SOX5: variants seen among roughly 807,000 people sequenced by gnomAD.
SOX5 encodes the protein SRY-box transcription factor 5, also known as transcription factor SOX-5.
In SOX5, 9 loss-of-function variants were observed where a neutral mutation model predicts 92.0. The ratio of observed to expected loss-of-function variants is 0.10; its 90% confidence interval spans 0.06 to 0.17. The LOEUF (loss-of-function observed/expected upper bound fraction) is 0.17, where lower values mean the gene tolerates loss of function less well. Ranked by LOEUF, SOX5 falls within the 10% of genes least tolerant of loss-of-function variation. The probability of loss-of-function intolerance (pLI) is 1.00; values close to 1 mark genes in which losing one functional copy is unlikely to be tolerated. For missense variants in SOX5, 642 were observed against 944.5 expected (o/e 0.68, Z 4.20); for synonymous variants, 344 against 336.3 (o/e 1.02, Z -0.25).
chr12:23,878,085 C>T (rs192452066), intron 2 of SOX5, among the ~76,000 whole-genome samples: 72 of 152,026 alleles, frequency 4.7e-4, no homozygotes, highest in East Asian at 4.6e-3. Flanking sequence ...ATTAGAACTT[C>T]GATCATTTCA....
chr12:23,671,275 C>T (rs1166415326), intron 6 of SOX5, among the ~76,000 whole-genome samples: 2 of 152,162 alleles, frequency 1.3e-5, no homozygotes, highest in African/African-American at 4.8e-5. Flanking sequence ...TACAAATAAA[C>T]TGTAACATCT....
intron 4 of SOX5, among the ~76,000 whole-genome samples, chr12:24,092,433 G>A (rs1205015027): frequency 1.3e-5 from 2 of 152,076 alleles, no homozygotes; most frequent in Non-Finnish European, 2.9e-5. Context: ...GTCTCAGTAA[G>A]TGATGCCTCC....
chr12:24,046,190 C>T lies in SOX5; in HGVS notation c.-1-150166G>A, dbSNP rs74068165. ...GGTCAAAGCCTGAGGGTAATAGACA[C>T]ATTTAAGAGAGGGGAGGAGACTATA... On this transcript the variant is annotated intron_variant, in intron 4 of 4. Transcript: ENST00000446891. 2.4e-3 allele frequency among the ~76,000 whole-genome samples: 368 copies of T among 152,238 alleles called. 1 individual carries two copies. The highest frequency in any genetic ancestry group is 8.5e-3 in the African/African-American group (355 of 41,540).
chr12:24,541,662 G>A (rs1242070184), intron 1 of SOX5, among the ~76,000 whole-genome samples: 1 of 150,636 alleles, frequency 6.6e-6, no homozygotes, highest in Non-Finnish European at 1.5e-5. Flanking sequence ...AAACACACTT[G>A]TTGTCCTTTC....
chr12:23,995,310 G>C (rs917263427), intron 4 of SOX5, among the ~76,000 whole-genome samples: 2 of 152,110 alleles, frequency 1.3e-5, no homozygotes, highest in Non-Finnish European at 2.9e-5. Context: ...TTGTTTAGTA[G>C]TTTGTAAGTA....
intron 4 of SOX5, among the ~76,000 whole-genome samples, chr12:23,753,707 G>T (rs1378830107): frequency 6.6e-6 from 1 of 151,606 alleles, no homozygotes. Flanking sequence ...TTCTGAAGCG[G>T]CAGGAAAACT....
intron 4 of SOX5, among the ~76,000 whole-genome samples, chr12:24,115,118 AAAAAGAG>A (rs1473253123): frequency 1.3e-5 from 2 of 152,182 alleles, no homozygotes; most frequent in Non-Finnish European, 2.9e-5. Context: ...GTTTAATACA[AAAAAGAG>A]AAAAGAGAAA....
intron 2 of SOX5, among the ~76,000 whole-genome samples, chr12:23,863,933 G>T (rs1315772435): frequency 1.3e-5 from 2 of 150,388 alleles, no homozygotes. Flanking sequence ...AAAAATACAG[G>T]CACCTTGTTT....
At chr12:24,014,884 T>C (rs1209294705) in intron 4 of SOX5, among the ~76,000 whole-genome samples, 1 of 152,122 alleles carries the variant, frequency 6.6e-6, no homozygotes, top group African/African-American at 2.4e-5. Flanking sequence ...TAAGTGCTTT[T>C]TGGGAGAAGG....
intron 1 of SOX5, among the ~76,000 whole-genome samples, chr12:24,418,142 G>A (rs933622727): frequency 1.3e-5 from 2 of 150,228 alleles, no homozygotes; most frequent in Admixed American, 1.3e-4. Flanking sequence ...ATTTACTCAC[G>A]TGCTACAGCC....
chr12:24,382,825 T>C (rs1249223666), intron 1 of SOX5, among the ~76,000 whole-genome samples: 1 of 151,892 alleles, frequency 6.6e-6, no homozygotes, highest in East Asian at 1.9e-4. Flanking sequence ...GATAATGAGG[T>C]TTTGGTTCTG....
chr12:24,167,782 T>A (rs146368794), intron 4 of SOX5, among the ~76,000 whole-genome samples: 4 of 152,262 alleles, frequency 2.6e-5, no homozygotes, highest in Admixed American at 6.5e-5. Flanking sequence ...GCTTACTATA[T>A]GTCAATCACT....
chr12:24,141,993 T>C (rs1950631304), intron 4 of SOX5, among the ~76,000 whole-genome samples: 1 of 152,014 alleles, frequency 6.6e-6, no homozygotes, highest in Non-Finnish European at 1.5e-5. Context: ...TTCTCTGTAC[T>C]AAAATATCCA....
chr12:24,415,299 A>G (rs1212499721), intron 1 of SOX5, among the ~76,000 whole-genome samples: 2 of 152,180 alleles, frequency 1.3e-5, no homozygotes, highest in Non-Finnish European at 2.9e-5. Flanking sequence ...TTTTGTTGTT[A>G]ATAGGCCACA....
chr12:24,423,469 C>T (rs1194417098), intron 1 of SOX5, among the ~76,000 whole-genome samples: 2 of 152,184 alleles, frequency 1.3e-5, no homozygotes, highest in Non-Finnish European at 2.9e-5. Flanking sequence ...CAATGAGGCT[C>T]AAAGACGGGT....
rs1310242781 is a variant in SOX5 at position 24,345,418 on chromosome 12, A to C, written c.-174+23145T>G. Among the ~76,000 whole-genome samples the C allele has an allele frequency of 5.3e-5, 8 of 152,300 alleles. 1 individual carries two copies. The highest frequency in any genetic ancestry group is 5.2e-4 in the Admixed American group (8 of 15,298). ...CTCTCCAGGGACTTGTAGTCCATCTAGCACTTTTTCTCTACTGGTTTTCCA... is the reference window on the plus strand; with the variant it reads ...CTCTCCAGGGACTTGTAGTCCATCTCGCACTTTTTCTCTACTGGTTTTCCA... On this transcript the variant is annotated intron_variant, in intron 2 of 4. Transcript: ENST00000446891.
rs1251166287 is a variant in SOX5, at chr12:23,532,215, CAAAAT to C, written c.*1999_*2003del. The C allele has an allele frequency of 1.3e-5, 2 of 151,512 alleles. No homozygotes were observed. The highest frequency in any genetic ancestry group is 2.9e-5 in the Non-Finnish European group (2 of 67,870). The allele number at this position is 151,512 out of a possible 1,614,324, so 9.4% of individuals were successfully genotyped here. A position where few individuals can be genotyped will look rare whatever the true frequency, so the allele number is the denominator to read the frequency against. On this transcript the variant is annotated 3_prime_UTR_variant, in exon 15 of 15. Coordinates refer to ENST00000451604, the MANE Select transcript of SOX5 (RefSeq NM_006940.6). ...AAAAACAAACAAACAGAAAAACAAA[CAAAAT>C]GAAATCTCTGACATGCAGGATATGA...
At chr12:23,993,370 G>A (rs192926201) in intron 4 of SOX5, among the ~76,000 whole-genome samples, 7 of 152,214 alleles carry the variant, frequency 4.6e-5, no homozygotes, top group Admixed American at 4.6e-4. Context: ...AGACATTTTG[G>A]TATATACCTT....
chr12:23,905,482 T>G (rs2097282649), intron 1 of SOX5, among the ~76,000 whole-genome samples: 1 of 152,210 alleles, frequency 6.6e-6, no homozygotes, highest in Non-Finnish European at 1.5e-5. Context: ...TCTAAACAAG[T>G]ATATCTGCCA....
Sources: gnomAD v4.1 joint callset for allele counts (sites outside exome capture counted in the v4.1 genomes callset) on GRCh38, gnomAD v4.1.1 for gene constraint, MANE v1.5 for transcripts, NCBI Gene and HGNC (gene_info 2026-07-23, HGNC 2026-07-21) for gene names.